TRPC4: variants seen among roughly 807,000 people sequenced by gnomAD.
TRPC4 encodes short transient receptor potential channel 4.
Under a neutral mutation model 99.4 loss-of-function variants are expected in TRPC4, and 49 were observed. The observed-to-expected ratio is 0.49, with a 90% CI of 0.39 to 0.63. The LOEUF (loss-of-function observed/expected upper bound fraction) is 0.63. Among genes scored for constraint, TRPC4 ranks in the 20% least tolerant of loss-of-function variants. The pLI, the probability that TRPC4 is intolerant of heterozygous loss-of-function variation, is 0.00. For missense variants in TRPC4, 898 were observed against 1,152.9 expected, an observed-to-expected ratio of 0.78 and a Z score of 3.20; for synonymous variants, 454 against 425.9, an observed-to-expected ratio of 1.07 and a Z score of -0.81.
rs1371048512 is a variant in TRPC4 at position 37,756,183 on chromosome 13, CACAT to C, written c.379-9732_379-9729del. The stretch of plus-strand genomic sequence containing the variant: ...ATATGTATGTACATGTGTGCACACA[CACAT>C]ACATACACACACATGAACACAAACT... On this transcript the variant is annotated intron_variant, in intron 2 of 10. Coordinates refer to ENST00000379705, the MANE Select transcript of TRPC4 (RefSeq NM_016179.4). Among the ~76,000 whole-genome samples, 8 of 152,216 alleles carry C rather than the reference CACAT, an allele frequency of 5.3e-5. No homozygotes were observed. The East Asian group carries it at 1.5e-3, about 29-fold the overall frequency.
intron 4 of TRPC4, among the ~76,000 whole-genome samples, chr13:37,678,494 T>C (rs1953132101): frequency 6.6e-6 from 1 of 152,058 alleles, no homozygotes; most frequent in African/African-American, 2.4e-5. Context: ...TGGATGCTCA[T>C]ACATTTCACA....
intron 3 of TRPC4, among the ~76,000 whole-genome samples, chr13:37,745,517 TACG>T (rs1955743462): frequency 8.8e-6 from 1 of 114,096 alleles, no homozygotes; most frequent in Non-Finnish European, 1.7e-5. Flanking sequence ...TGTATATATA[TACG>T]TATATATGTA....
At chr13:37,860,916 A>G (rs567957190) in intron 1 of TRPC4, among the ~76,000 whole-genome samples, 2 of 151,622 alleles carry the variant, frequency 1.3e-5, no homozygotes, top group Admixed American at 1.3e-4. Flanking sequence ...TTATGTATCT[A>G]TTTCATTATA....
chr13:37,755,460 C>T (rs536403997), intron 2 of TRPC4, among the ~76,000 whole-genome samples: 7 of 151,826 alleles, frequency 4.6e-5, no homozygotes, highest in Non-Finnish European at 1.0e-4. Flanking sequence ...TTAGTAGAGA[C>T]AGGGTCTCAC....
rs1164783090 is a variant in TRPC4, at chr13:37,779,603, A to G, written c.378+3353T>C. On this transcript the variant is annotated intron_variant, in intron 2 of 10. Coordinates refer to ENST00000379705, the MANE Select transcript of TRPC4 (RefSeq NM_016179.4). The stretch of plus-strand genomic sequence containing the variant: ...AAAATCACAAATCTGTAAAACATGT[A>G]TAAGGTCAAAAAGAAAACCAATGTC... 1.3e-5 allele frequency among the ~76,000 whole-genome samples: 2 copies of G among 152,084 alleles called. 1 individual carries two copies. The highest frequency in any genetic ancestry group is 2.9e-5 in the Non-Finnish European group (2 of 68,002).
Position 37,636,691 on chromosome 13 carries a change from T to C in TRPC4, c.*212A>G, listed in dbSNP as rs1309353463. 1 of 493,536 alleles carries C rather than the reference T, an allele frequency of 2.0e-6. No homozygotes were observed. Among genetic ancestry groups the C allele is most frequent in the African/African-American group, 2.0e-5 (1 of 50,750 alleles). The allele number at this position is 493,536 out of a possible 1,614,324, so 30.6% of individuals were successfully genotyped here. A position where few individuals can be genotyped will look rare whatever the true frequency, so the allele number is the denominator to read the frequency against. ...ATTTATTTATTAACAAAAACAATTG[T>C]AAGACAAATTGTGAAAGCAAAAGCA... On this transcript the variant is annotated 3_prime_UTR_variant, in exon 11 of 11. Coordinates refer to ENST00000379705, the MANE Select transcript of TRPC4 (RefSeq NM_016179.4).
chr13:37,646,965 C>G (rs1364710145), intron 8 of TRPC4, among the ~76,000 whole-genome samples: 2 of 152,148 alleles, frequency 1.3e-5, no homozygotes, highest in Non-Finnish European at 2.9e-5. Context: ...ATGCTTTCTC[C>G]CATAAAGCAG....
At chr13:37,736,329 C>T (rs546310607) in intron 3 of TRPC4, among the ~76,000 whole-genome samples, 3 of 152,106 alleles carry the variant, frequency 2.0e-5, no homozygotes, top group Non-Finnish European at 2.9e-5. Flanking sequence ...GCTCAGCAAT[C>T]GGTCATTGAG....
intron 8 of TRPC4, among the ~76,000 whole-genome samples, chr13:37,650,360 A>T (rs1446704591): frequency 6.6e-6 from 1 of 152,180 alleles, no homozygotes; most frequent in Non-Finnish European, 1.5e-5. Flanking sequence ...CATTACTATG[A>T]GAACTTTCAA....
At chr13:37,783,445 A>T in intron 1 of TRPC4, 85 bp from the exon 2 acceptor site, 1 of 1,106,190 alleles carries the variant, frequency 9.0e-7, no homozygotes, top group Non-Finnish European at 1.2e-6. Context: ...ACTCACAGTG[A>T]TATCAATAAC....
At chr13:37,706,368 T>C (rs1336889018) in intron 3 of TRPC4, among the ~76,000 whole-genome samples, 1 of 152,162 alleles carries the variant, frequency 6.6e-6, no homozygotes, top group African/African-American at 2.4e-5. Context: ...TGCCTCTTCT[T>C]AACATAATGT....
chr13:37,648,942 C>G (rs1050697523), intron 8 of TRPC4, among the ~76,000 whole-genome samples: 1 of 151,950 alleles, frequency 6.6e-6, no homozygotes, highest in Non-Finnish European at 1.5e-5. Flanking sequence ...TCTTAAAAAC[C>G]AAGATTCTCT....
chr13:37,818,715 ATTGT>A (rs1053204955), intron 1 of TRPC4, among the ~76,000 whole-genome samples: 7 of 152,080 alleles, frequency 4.6e-5, no homozygotes, highest in African/African-American at 1.4e-4. Context: ...AAAACCAAAC[ATTGT>A]TTGTTCTCAC....
intron 1 of TRPC4, among the ~76,000 whole-genome samples, chr13:37,785,765 T>C (rs1319172411): frequency 3.3e-5 from 5 of 152,130 alleles, no homozygotes; most frequent in Admixed American, 6.6e-5. Flanking sequence ...AACAGCATTT[T>C]ATTTCTCATT....
At chr13:37,694,943 A>T (rs989698452) in intron 3 of TRPC4, among the ~76,000 whole-genome samples, 4 of 152,190 alleles carry the variant, frequency 2.6e-5, no homozygotes, top group African/African-American at 9.7e-5. Flanking sequence ...TCGACCAAAC[A>T]TGCTCTTTAC....
At chr13:37,860,649 C>G (rs78089228) in intron 1 of TRPC4, among the ~76,000 whole-genome samples, 2,667 of 151,306 alleles carry the variant, frequency 0.018, 56 homozygotes, top group East Asian at 0.1. Flanking sequence ...ATAATCTTAC[C>G]ACAATTTTAT....
At chr13:37,760,488 C>T (rs1241688246) in intron 2 of TRPC4, among the ~76,000 whole-genome samples, 2 of 151,860 alleles carry the variant, frequency 1.3e-5, no homozygotes, top group African/African-American at 2.4e-5. Flanking sequence ...AAGAGGAACC[C>T]ATTTTCAGAA....
intron 3 of TRPC4, among the ~76,000 whole-genome samples, chr13:37,721,529 A>T (rs7994009): frequency 0.012 from 1,808 of 152,240 alleles, 28 homozygotes; most frequent in African/African-American, 0.038. Context: ...GTATCCATGA[A>T]CATTATAAAG....
At chr13:37,862,844 G>T (rs543932019) in intron 1 of TRPC4, among the ~76,000 whole-genome samples, 1 of 151,416 alleles carries the variant, frequency 6.6e-6, no homozygotes, top group East Asian at 1.9e-4. Context: ...GTATGTGTGC[G>T]TATGTGTAGA....
Sources: allele counts gnomAD v4.1 joint callset (sites outside exome capture counted in the v4.1 genomes callset), GRCh38; gene constraint gnomAD v4.1.1; transcripts MANE v1.5; gene names NCBI Gene and HGNC (gene_info 2026-07-23, HGNC 2026-07-21).